The following NEBL variants were observed in gnomAD, a reference collection of about 807,000 sequenced individuals.
The protein encoded by NEBL is LIM and SH3 protein 2.
Under a neutral mutation model 140.2 loss-of-function variants are expected in NEBL, and 122 were observed. The ratio of observed to expected loss-of-function variants is 0.87; its 90% confidence interval spans 0.75 to 1.01. The LOEUF is 1.01. Ranked by LOEUF, NEBL falls within the 50% of genes least tolerant of loss-of-function variation. The probability of loss-of-function intolerance (pLI) is 0.00; values close to 1 mark genes in which losing one functional copy is unlikely to be tolerated. For missense variants in NEBL, 1,365 were observed against 1,231.3 expected, an observed-to-expected ratio of 1.11 and a Z score of -1.62; for synonymous variants, 436 against 398.9, an observed-to-expected ratio of 1.09 and a Z score of -1.11.
intron 16 of NEBL, among the ~76,000 whole-genome samples, chr10:20,830,727 A>G (rs1400160994): frequency 1.4e-5 from 2 of 144,094 alleles, no homozygotes; most frequent in African/African-American, 2.8e-5. Flanking sequence ...CAAGTGTCCA[A>G]TAGGGTCAAA....
At chr10:20,802,589 T>C (rs1420193388) in intron 26 of NEBL, among the ~76,000 whole-genome samples, 1 of 152,154 alleles carries the variant, frequency 6.6e-6, no homozygotes, top group Non-Finnish European at 1.5e-5. Flanking sequence ...TGGGAAAATA[T>C]CATGGAAAAC....
At position 21,261,183 on chromosome 10, in the gene NEBL, T is replaced by C. The variant is rs569908789; in HGVS notation, n.183-9355A>G. ...AAATGGTGGGTAACCCCTGTCTGAA[T>C]ACACATGAAACATCAAGGCAGTGGG... On this transcript the variant is annotated intron_variant and non_coding_transcript_variant, in intron 1 of 8. Transcript: ENST00000675702. Among the ~76,000 whole-genome samples the C allele has an allele frequency of 9.8e-5, 15 of 152,314 alleles. No homozygotes were observed. The South Asian group carries it at 1.2e-3, about 13-fold the overall frequency.
At chr10:21,216,022 A>C (rs533386025) in intron 3 of NEBL, among the ~76,000 whole-genome samples, 43 of 152,242 alleles carry the variant, frequency 2.8e-4, no homozygotes, top group African/African-American at 1.0e-3. Flanking sequence ...CCTACTTCCC[A>C]GCAGGGTCAG....
At chr10:21,118,729 A>G (rs895407480) in intron 2 of NEBL, among the ~76,000 whole-genome samples, 1 of 152,196 alleles carries the variant, frequency 6.6e-6, no homozygotes, top group Non-Finnish European at 1.5e-5. Flanking sequence ...TTCTTTTTCT[A>G]AATTACATAT....
rs918435554 is a variant in NEBL, at chr10:20,779,998, G to A, written c.*5749C>T. The A allele has an allele frequency of 6.6e-6, 1 of 152,146 alleles. No individual in the cohort carries two copies. The highest frequency in any genetic ancestry group is 2.4e-5 in the African/African-American group (1 of 41,426). 9.4% of individuals were successfully genotyped at this position (152,146 alleles called of 1,614,324 possible). A position where few individuals can be genotyped will look rare whatever the true frequency, so the allele number is the denominator to read the frequency against. On this transcript the variant is annotated 3_prime_UTR_variant, in exon 28 of 28. Transcript: ENST00000377122. ...TTTGGAAGAAGTGTTTATTCTACGA[G>A]CAGATGTCATCCGCAAAGTTTATCA...
intron 3 of NEBL, among the ~76,000 whole-genome samples, chr10:21,004,685 A>C (rs187791699): frequency 6.6e-6 from 1 of 151,756 alleles, no homozygotes; most frequent in Non-Finnish European, 1.5e-5. Flanking sequence ...GCACCACTGC[A>C]CTCCAGCCTG....
At chr10:20,813,020 C>G (rs1048265350) in intron 23 of NEBL, 80 bp from the exon 24 acceptor site, 9 of 1,186,402 alleles carry the variant, frequency 7.6e-6, no homozygotes, top group Admixed American at 1.8e-5. Context: ...GACAGGTGTA[C>G]ACTGCACTGG....
chr10:20,859,924 T>C (rs1419446659), intron 7 of NEBL, 98 bp from the exon 8 acceptor site: 4 of 652,026 alleles, frequency 6.1e-6, no homozygotes, highest in Middle Eastern at 4.1e-4. Context: ...AAAATGAATG[T>C]TGCCAAGTGT....
upstream of NEBL, among the ~76,000 whole-genome samples, chr10:21,177,830 C>T (rs1841328048): frequency 2.6e-5 from 4 of 152,150 alleles, 1 homozygote; most frequent in Admixed American, 2.6e-4. Context: ...GCCCAGCCTA[C>T]AGTCTTTATT....
At chr10:21,243,644 G>A (rs1842473099) in intron 3 of NEBL, among the ~76,000 whole-genome samples, 1 of 152,068 alleles carries the variant, frequency 6.6e-6, no homozygotes, top group Non-Finnish European at 1.5e-5. Flanking sequence ...CATTTCACAA[G>A]CATTATTTCT....
chr10:20,903,063 C>A (rs1171098926), intron 4 of NEBL, among the ~76,000 whole-genome samples: 1 of 151,892 alleles, frequency 6.6e-6, no homozygotes, highest in Non-Finnish European at 1.5e-5. Context: ...TTATAGTAGC[C>A]CCCAGACCTT....
chr10:21,117,793 T>C (rs1310286534), intron 2 of NEBL, among the ~76,000 whole-genome samples: 3 of 152,122 alleles, frequency 2.0e-5, no homozygotes, highest in Non-Finnish European at 2.9e-5. Flanking sequence ...CAGTTGAGTA[T>C]AGCGTGGTGG....
At chr10:21,044,261 G>T (rs1163635895) in intron 2 of NEBL, among the ~76,000 whole-genome samples, 1 of 151,968 alleles carries the variant, frequency 6.6e-6, no homozygotes, top group Non-Finnish European at 1.5e-5. Context: ...GCTGGGCGTG[G>T]TGGTGGGCGC....
chr10:21,243,916 CGAAAGG>C (rs200622049), intron 3 of NEBL, among the ~76,000 whole-genome samples: 16,609 of 108,356 alleles, frequency 0.15, 1,246 homozygotes, highest in Middle Eastern at 0.28. Flanking sequence ...GGAAGGAAGG[CGAAAGG>C]GAAAGGGAAA....
chr10:21,067,044 C>T (rs1198596524), intron 2 of NEBL, among the ~76,000 whole-genome samples: 1 of 144,938 alleles, frequency 6.9e-6, no homozygotes, highest in East Asian at 2.0e-4. Flanking sequence ...GCGATCTCCA[C>T]TCACTGAAAG....
intron 2 of NEBL, chr10:21,125,970 A>C: frequency 6.2e-7 from 1 of 1,614,180 alleles, no homozygotes; most frequent in Non-Finnish European, 8.5e-7. Flanking sequence ...GATCTGGTTC[A>C]GGAGCTGCCT....
intron 2 of NEBL, among the ~76,000 whole-genome samples, chr10:21,086,031 GA>G (rs34295157): frequency 1.9e-4 from 28 of 150,864 alleles, no homozygotes; most frequent in East Asian, 1.4e-3. Context: ...GATGTACTTT[GA>G]AAAAAAAATC....
rs983396337 is a variant in NEBL, at chr10:20,781,630, C to G, written c.*4117G>C. 1 of 152,348 alleles carries G rather than the reference C, an allele frequency of 6.6e-6. No individual in the cohort carries two copies. The highest frequency in any genetic ancestry group is 2.4e-5 in the African/African-American group (1 of 41,428). The allele number at this position is 152,348 out of a possible 1,614,324, so 9.4% of individuals were successfully genotyped here. A position where few individuals can be genotyped will look rare whatever the true frequency, so the allele number is the denominator to read the frequency against. On this transcript the variant is annotated 3_prime_UTR_variant, in exon 28 of 28. Coordinates refer to ENST00000377122, the MANE Select transcript of NEBL (RefSeq NM_006393.3). ...TTCCCAGGAATATACTGAAGTCATA[C>G]AGACAACTGAGAAAATTTGCTCAAA...
intron 3 of NEBL, among the ~76,000 whole-genome samples, chr10:21,228,254 C>T (rs914819673): frequency 5.9e-5 from 9 of 151,968 alleles, no homozygotes; most frequent in African/African-American, 1.9e-4. Flanking sequence ...CCTGAAGTCA[C>T]GCAATGCTCC....
Sources: allele counts gnomAD v4.1 joint callset (sites outside exome capture counted in the v4.1 genomes callset), GRCh38; gene constraint gnomAD v4.1.1; transcripts MANE v1.5; gene names NCBI Gene and HGNC (gene_info 2026-07-23, HGNC 2026-07-21).